The following CDK14 variants were observed in gnomAD, a reference collection of about 807,000 sequenced individuals.
CDK14 encodes the protein cyclin-dependent kinase 14.
A neutral mutation model predicts 60.7 loss-of-function variants in CDK14; 34 were observed. That is an observed-to-expected ratio of 0.56 (90% CI 0.43 to 0.75). CDK14 has a LOEUF of 0.75. CDK14 is among the 30% of genes least tolerant of loss of function. The pLI is 0.00. For synonymous variants in CDK14, 197 were observed against 203.7 expected, an observed-to-expected ratio of 0.97 and a Z score of 0.28; for missense variants, 482 against 564.1, an observed-to-expected ratio of 0.85 and a Z score of 1.47.
At chr7:90,700,226 TG>T (rs1244606210) in intron 2 of CDK14, among the ~76,000 whole-genome samples, 1 of 152,106 alleles carries the variant, frequency 6.6e-6, no homozygotes, top group African/African-American at 2.4e-5. Flanking sequence ...CCCGAGTAGC[TG>T]GGATTTTAGG....
chr7:90,906,612 A>T (rs1792715010), intron 7 of CDK14, among the ~76,000 whole-genome samples: 2 of 152,196 alleles, frequency 1.3e-5, no homozygotes, highest in Non-Finnish European at 2.9e-5. Context: ...AAAACTGTAC[A>T]TATTTTTCTT....
rs183487431 is a variant in CDK14, at chr7:90,784,033, C to T, written c.465-6540C>T. On this transcript the variant is annotated intron_variant, in intron 4 of 14. Coordinates refer to ENST00000380050, the MANE Select transcript of CDK14 (RefSeq NM_001287135.2). ...GGTATGGAATCAGCTTACAAGTGTC[C>T]GTCAGTGGATGAATGGATGAGGAAA... 2.0e-3 allele frequency among the ~76,000 whole-genome samples: 304 copies of T among 152,106 alleles called. 1 individual carries two copies. Among genetic ancestry groups the T allele is most frequent in the African/African-American group, 7.0e-3 (289 of 41,506 alleles).
intron 13 of CDK14, 144 bp downstream of exon 13, chr7:91,112,825 G>A: frequency 1.6e-6 from 1 of 624,902 alleles, no homozygotes; most frequent in East Asian, 3.3e-5. Context: ...CATTACAGGT[G>A]TGTGTGTGTG....
At chr7:90,833,992 C>A (rs760738955) in intron 5 of CDK14, among the ~76,000 whole-genome samples, 1 of 152,082 alleles carries the variant, frequency 6.6e-6, no homozygotes, top group African/African-American at 2.4e-5. Context: ...ACCAATTTAC[C>A]CAATTGCCTT....
Position 90,850,380 on chromosome 7 carries a change from G to A in CDK14, c.545-12795G>A, listed in dbSNP as rs567988348. Among the ~76,000 whole-genome samples the A allele has an allele frequency of 2.1e-4, 32 of 152,236 alleles. 1 individual carries two copies. The South Asian group carries it at 6.4e-3, about 31-fold the overall frequency. Reference sequence around the variant, plus strand: ...ACTCAGCACTGAATTGAGTGCTATGGGCACAGCAGGAGTAAGTGTAAATAA... The same window carrying A: ...ACTCAGCACTGAATTGAGTGCTATGAGCACAGCAGGAGTAAGTGTAAATAA... On this transcript the variant is annotated intron_variant, in intron 5 of 14. Coordinates refer to ENST00000380050, the MANE Select transcript of CDK14 (RefSeq NM_001287135.2).
At chr7:91,005,912 A>G (rs577073661) in intron 10 of CDK14, among the ~76,000 whole-genome samples, 4 of 152,344 alleles carry the variant, frequency 2.6e-5, no homozygotes, top group South Asian at 2.1e-4. Flanking sequence ...TGGGGTCCAC[A>G]TGGCACTTAA....
chr7:90,899,668 T>C (rs1199048490), intron 7 of CDK14, among the ~76,000 whole-genome samples: 2 of 152,130 alleles, frequency 1.3e-5, no homozygotes, highest in African/African-American at 4.8e-5. Context: ...GTCTCAGTTC[T>C]AGCTTGGAAC....
intron 14 of CDK14, among the ~76,000 whole-genome samples, chr7:91,200,613 GC>G (rs1392594204): frequency 6.6e-6 from 1 of 151,974 alleles, no homozygotes. Flanking sequence ...TTTAGTTAAG[GC>G]CCTGGTTTTC....
chr7:90,733,213 A>G (rs1802944958), intron 3 of CDK14, among the ~76,000 whole-genome samples: 1 of 151,598 alleles, frequency 6.6e-6, no homozygotes, highest in African/African-American at 2.4e-5. Context: ...GACTATTATG[A>G]TTTCCATTCT....
chr7:90,703,823 C>T (rs1219621916), intron 2 of CDK14, among the ~76,000 whole-genome samples: 1 of 152,148 alleles, frequency 6.6e-6, no homozygotes, highest in African/African-American at 2.4e-5. Context: ...CGGTGGTGCA[C>T]ACCTGTAATC....
At chr7:91,161,039 C>CCACATACA (rs1801155025) in intron 14 of CDK14, among the ~76,000 whole-genome samples, 1 of 152,168 alleles carries the variant, frequency 6.6e-6, no homozygotes, top group Non-Finnish European at 1.5e-5. Flanking sequence ...ATGTGGAGAC[C>CCACATACA]CACATACACC....
At chr7:91,122,153 T>C (rs1231799763) in intron 14 of CDK14, among the ~76,000 whole-genome samples, 1 of 152,242 alleles carries the variant, frequency 6.6e-6, no homozygotes, top group African/African-American at 2.4e-5. Context: ...CAAATGTTTG[T>C]CTAGTGCATG....
At chr7:90,841,659 T>TACACACACACACACACACACACAC (rs57434660) in intron 5 of CDK14, among the ~76,000 whole-genome samples, 174 of 139,384 alleles carry the variant, frequency 1.2e-3, no homozygotes, top group Middle Eastern at 7.1e-3. Context: ...TATATATATG[T>TACACACACACACACACACACACAC]ACACACACAC....
At chr7:90,663,095 AACACACACACAC>A (rs111918409) in intron 2 of CDK14, among the ~76,000 whole-genome samples, 3 of 131,960 alleles carry the variant, frequency 2.3e-5, no homozygotes, top group Admixed American at 7.3e-5. Flanking sequence ...CTAAGATGGG[AACACACACACAC>A]ACACACACAC....
chr7:90,990,649 A>T (rs1320731108), intron 10 of CDK14, among the ~76,000 whole-genome samples: 1 of 152,142 alleles, frequency 6.6e-6, no homozygotes, highest in Non-Finnish European at 1.5e-5. Flanking sequence ...GATTTTCACA[A>T]TTGAGTTCAT....
At position 90,621,849 on chromosome 7, in the gene CDK14, G is replaced by A. The variant is rs751387077; in HGVS notation, c.123+17600G>A. ...ACAGATGGGGAAACGGAAGTTTAGA[G>A]AAGTTAAGCAACTAGCACAGGGTCA... On this transcript the variant is annotated intron_variant, in intron 2 of 14. Coordinates refer to ENST00000380050, the MANE Select transcript of CDK14 (RefSeq NM_001287135.2). Among the ~76,000 whole-genome samples, 23 of 152,306 alleles carry A rather than the reference G, an allele frequency of 1.5e-4. No homozygotes were observed. The Middle Eastern group carries it at 0.014, about 90-fold the overall frequency.
intron 2 of CDK14, among the ~76,000 whole-genome samples, chr7:90,658,662 A>G (rs1320925075): frequency 6.6e-6 from 1 of 152,190 alleles, no homozygotes; most frequent in East Asian, 1.9e-4. Context: ...CTAATATTCC[A>G]TCATATGGAT....
intron 2 of CDK14, chr7:90,709,547 C>G (rs377542012): frequency 1.2e-6 from 2 of 1,613,108 alleles, no homozygotes; most frequent in South Asian, 2.2e-5. Flanking sequence ...AGCATATGCA[C>G]GGTTACTTTG....
At chr7:90,841,261 A>G (rs2117145844) in intron 5 of CDK14, among the ~76,000 whole-genome samples, 1 of 152,270 alleles carries the variant, frequency 6.6e-6, no homozygotes, top group Admixed American at 6.5e-5. Context: ...AACCCATACA[A>G]TATAGAAAAC....
Sources: allele counts gnomAD v4.1 joint callset (sites outside exome capture counted in the v4.1 genomes callset), GRCh38; gene constraint gnomAD v4.1.1; transcripts MANE v1.5; gene names NCBI Gene and HGNC (gene_info 2026-07-23, HGNC 2026-07-21).